The following HEMK2 variants were observed in gnomAD, a reference collection of about 807,000 sequenced individuals.
HEMK2 encodes methyltransferase HEMK2.
At chr21:28,834,030 T>C in the HEMK2 span, among the ~76,000 whole-genome samples, 142 of 152,352 alleles carry the variant, frequency 9.3e-4, no homozygotes, top group African/African-American at 3.2e-3. Context: ...CTATACCAGT[T>C]TGTCTGCATA....
the HEMK2 span, among the ~76,000 whole-genome samples, chr21:28,635,164 C>G: frequency 6.6e-6 from 1 of 150,446 alleles, no homozygotes; most frequent in Non-Finnish European, 1.5e-5. Flanking sequence ...TGCAGTAGTG[C>G]CATCTCGGCT....
chr21:28,831,503 GA>G, the HEMK2 span, among the ~76,000 whole-genome samples: 4 of 79,744 alleles, frequency 5.0e-5, no homozygotes, highest in African/African-American at 1.1e-4. Flanking sequence ...AAGAAAGAAA[GA>G]AAGAAAGAAA....
chr21:28,641,112 G>A, the HEMK2 span, among the ~76,000 whole-genome samples: 1 of 150,384 alleles, frequency 6.6e-6, no homozygotes, highest in Non-Finnish European at 1.5e-5. Context: ...TTTTTCTTTT[G>A]CTGCTGTAAA....
the HEMK2 span, chr21:28,577,357 C>T: frequency 6.6e-6 from 1 of 152,102 alleles, no homozygotes; most frequent in Non-Finnish European, 1.5e-5. Flanking sequence ...CATTCTTTTC[C>T]TCACAGTTCC....
the HEMK2 span, among the ~76,000 whole-genome samples, chr21:28,726,082 T>A: frequency 6.6e-6 from 1 of 152,004 alleles, no homozygotes; most frequent in African/African-American, 2.4e-5. Context: ...AGAACTTTAT[T>A]CTAATACAAT....
chr21:28,707,146 A>G, the HEMK2 span, among the ~76,000 whole-genome samples: 1 of 152,196 alleles, frequency 6.6e-6, no homozygotes, highest in Non-Finnish European at 1.5e-5. Context: ...TTAAATATTT[A>G]TTAGTTTTAA....
the HEMK2 span, among the ~76,000 whole-genome samples, chr21:28,604,272 G>A: frequency 6.6e-6 from 1 of 152,162 alleles, no homozygotes; most frequent in Non-Finnish European, 1.5e-5. Context: ...GGGAGTGAGG[G>A]GCTGGGGGAG....
the HEMK2 span, among the ~76,000 whole-genome samples, chr21:28,712,528 G>C: frequency 6.6e-6 from 1 of 152,182 alleles, no homozygotes; most frequent in Admixed American, 6.5e-5. Flanking sequence ...GTTTCAAGGA[G>C]GCTTTGAAGA....
chr21:28,620,497 G>A, the HEMK2 span, among the ~76,000 whole-genome samples: 2 of 151,782 alleles, frequency 1.3e-5, no homozygotes, highest in Non-Finnish European at 2.9e-5. Context: ...TAGTCTTGGA[G>A]GGTGTATGTG....
At chr21:28,639,356 G>A in the HEMK2 span, among the ~76,000 whole-genome samples, 1 of 152,198 alleles carries the variant, frequency 6.6e-6, no homozygotes, top group South Asian at 2.1e-4. Flanking sequence ...AAGTAGAGAA[G>A]AATGTGGATC....
chr21:28,717,320 A>C, the HEMK2 span, among the ~76,000 whole-genome samples: 1 of 152,158 alleles, frequency 6.6e-6, no homozygotes, highest in East Asian at 1.9e-4. Context: ...TGGTCTGCTC[A>C]GGGTTTCAAC....
chr21:28,731,011 C>T, the HEMK2 span, among the ~76,000 whole-genome samples: 8 of 152,054 alleles, frequency 5.3e-5, no homozygotes, highest in South Asian at 1.7e-3. Context: ...GAAGCCTGTC[C>T]ATGGGTGAAA....
the HEMK2 span, among the ~76,000 whole-genome samples, chr21:28,699,901 C>T: frequency 0.56 from 84,620 of 152,064 alleles, 26,213 homozygotes; most frequent in East Asian, 0.84. Flanking sequence ...TTGAATTTTA[C>T]AATTAAATCA....
At chr21:28,592,092 T>C in the HEMK2 span, among the ~76,000 whole-genome samples, 1 of 152,188 alleles carries the variant, frequency 6.6e-6, no homozygotes, top group South Asian at 2.1e-4. Context: ...GGTTGAACGG[T>C]AGTTCTGTTT....
the HEMK2 span, among the ~76,000 whole-genome samples, chr21:28,649,951 T>C: frequency 1.3e-5 from 2 of 152,108 alleles, no homozygotes; most frequent in Non-Finnish European, 2.9e-5. Flanking sequence ...AATATATGCA[T>C]GGGAATGAGG....
chr21:28,732,151 G>T, the HEMK2 span, among the ~76,000 whole-genome samples: 341 of 152,330 alleles, frequency 2.2e-3, 2 homozygotes, highest in African/African-American at 7.7e-3. Flanking sequence ...GTACAGGGCT[G>T]GACAATGGCT....
chr21:28,649,334 C>T, the HEMK2 span, among the ~76,000 whole-genome samples: 84 of 152,268 alleles, frequency 5.5e-4, no homozygotes, highest in Middle Eastern at 0.01. Flanking sequence ...AGGGGGCTCT[C>T]GTCTGACCCG....
At chr21:28,860,909 T>A in the HEMK2 span, among the ~76,000 whole-genome samples, 1 of 152,152 alleles carries the variant, frequency 6.6e-6, no homozygotes, top group African/African-American at 2.4e-5. Flanking sequence ...AGCTGAAATA[T>A]GGATTAAAAG....
the HEMK2 span, among the ~76,000 whole-genome samples, chr21:28,739,748 C>A: frequency 6.6e-6 from 1 of 152,188 alleles, no homozygotes; most frequent in Non-Finnish European, 1.5e-5. Context: ...TTCTGTTTTT[C>A]AGCGACAGTA....
Sources: allele counts gnomAD v4.1 joint callset (sites outside exome capture counted in the v4.1 genomes callset), GRCh38; gene constraint gnomAD v4.1.1; transcripts MANE v1.5; gene names NCBI Gene and HGNC (gene_info 2026-07-23, HGNC 2026-07-21).